The following INPP4B variants were observed in gnomAD, a reference collection of about 807,000 sequenced individuals.
The protein encoded by INPP4B is inositol polyphosphate 4-phosphatase type II.
In INPP4B, 55 loss-of-function variants were observed where a neutral mutation model predicts 122.5. The ratio of observed to expected loss-of-function variants is 0.45; its 90% CI spans 0.36 to 0.56. INPP4B has a LOEUF of 0.56. Ranked by LOEUF, INPP4B falls within the 20% of genes least tolerant of loss-of-function variation. The pLI is 0.00. For synonymous variants in INPP4B, 403 were observed against 388.7 expected, an observed-to-expected ratio of 1.04 and a Z score of -0.43; for missense variants, 1,000 against 1,097.7, an observed-to-expected ratio of 0.91 and a Z score of 1.26.
At chr4:142,498,632 C>T (rs1042397138) in intron 2 of INPP4B, among the ~76,000 whole-genome samples, 2 of 151,338 alleles carry the variant, frequency 1.3e-5, no homozygotes, top group African/African-American at 4.9e-5. Context: ...CTGAAAAAAA[C>T]ACACAAAAAT....
intron 3 of INPP4B, among the ~76,000 whole-genome samples, chr4:142,436,105 AT>A (rs1810450518): frequency 6.6e-6 from 1 of 152,170 alleles, no homozygotes; most frequent in Non-Finnish European, 1.5e-5. Flanking sequence ...CCCGAGAGGT[AT>A]TCTCCACAGC....
intron 12 of INPP4B, among the ~76,000 whole-genome samples, chr4:142,227,505 T>A (rs373509884): frequency 1.3e-5 from 2 of 152,110 alleles, no homozygotes; most frequent in South Asian, 4.1e-4. Context: ...TAATGAAAGT[T>A]ATTACAGCTT....
At chr4:142,410,749 T>C (rs1804433184) in intron 5 of INPP4B, among the ~76,000 whole-genome samples, 1 of 152,214 alleles carries the variant, frequency 6.6e-6, no homozygotes, top group African/African-American at 2.4e-5. Context: ...AAATTTGCTA[T>C]AAAGACAATA....
intron 2 of INPP4B, among the ~76,000 whole-genome samples, chr4:142,470,152 G>C (rs973463069): frequency 6.6e-6 from 1 of 151,936 alleles, no homozygotes; most frequent in Non-Finnish European, 1.5e-5. Context: ...ACGCATAGCA[G>C]ATTGGGCTAC....
intron 1 of INPP4B, among the ~76,000 whole-genome samples, chr4:142,754,018 G>A (rs193181390): frequency 1.5e-3 from 234 of 152,000 alleles, no homozygotes; most frequent in African/African-American, 4.6e-3. Flanking sequence ...CATTACCTTC[G>A]TGACTGATTT....
chr4:142,844,041 T>G (rs1241524765), intron 1 of INPP4B, among the ~76,000 whole-genome samples: 4 of 152,198 alleles, frequency 2.6e-5, no homozygotes, highest in Non-Finnish European at 5.9e-5. Flanking sequence ...TGGTCTATGA[T>G]AGTAGAGCGA....
chr4:142,704,254 A>G (rs1762189816), intron 2 of INPP4B, among the ~76,000 whole-genome samples: 1 of 152,204 alleles, frequency 6.6e-6, no homozygotes, highest in Non-Finnish European at 1.5e-5. Context: ...GAGACTGATA[A>G]ATAACGTATT....
At position 142,098,022 on chromosome 4, in the gene INPP4B, G is replaced by C. The variant is rs1174315683; in HGVS notation, c.2374+10071C>G. ...ATAGAGGCTATAAAAAACTTTAAGA[G>C]AGAAGGGTTCCAGCGGGCAAGAGAT... On this transcript the variant is annotated intron_variant, in intron 23 of 25. Coordinates refer to ENST00000262992, the MANE Select transcript of INPP4B (RefSeq NM_001101669.3). Among the ~76,000 whole-genome samples the C allele has an allele frequency of 2.6e-5, 4 of 152,120 alleles. No individual in the cohort carries two copies. The East Asian group carries it at 7.7e-4, about 29-fold the overall frequency.
At chr4:142,090,795 C>G (rs2152564269) in intron 23 of INPP4B, among the ~76,000 whole-genome samples, 1 of 150,918 alleles carries the variant, frequency 6.6e-6, no homozygotes, top group East Asian at 1.9e-4. Context: ...TTTTAAATAG[C>G]AAAAAAGCTT....
At chr4:142,119,884 G>A (rs565000541) in intron 21 of INPP4B, among the ~76,000 whole-genome samples, 23 of 143,816 alleles carry the variant, frequency 1.6e-4, no homozygotes, top group South Asian at 6.6e-4. Flanking sequence ...ACATATATAC[G>A]TATATATACG....
intron 7 of INPP4B, among the ~76,000 whole-genome samples, chr4:142,382,987 T>C (rs1454368705): frequency 6.6e-6 from 1 of 152,086 alleles, no homozygotes; most frequent in Non-Finnish European, 1.5e-5. Flanking sequence ...ATTTTTACTA[T>C]AGTCTTATAT....
At chr4:142,558,602 G>A (rs1056579504) in intron 2 of INPP4B, among the ~76,000 whole-genome samples, 1 of 151,680 alleles carries the variant, frequency 6.6e-6, no homozygotes, top group Non-Finnish European at 1.5e-5. Context: ...AAATCTCAGT[G>A]GGTTAACACA....
At position 142,205,641 on chromosome 4, in the gene INPP4B, A is replaced by G. The variant is rs547619909; in HGVS notation, c.1072+2784T>C. On this transcript the variant is annotated intron_variant, in intron 14 of 25. Transcript: ENST00000262992. ...ACATACCCTAACTCAATCAGGAATG[A>G]GAATGAAATTGCTTAGAAAGATTAA... Among the ~76,000 whole-genome samples the G allele has an allele frequency of 3.9e-5, 6 of 152,284 alleles. No homozygotes were observed. The South Asian group carries it at 1.2e-3, about 32-fold the overall frequency.
At chr4:142,361,509 G>T (rs1489716861) in intron 7 of INPP4B, among the ~76,000 whole-genome samples, 1 of 151,908 alleles carries the variant, frequency 6.6e-6, no homozygotes, top group African/African-American at 2.4e-5. Context: ...TTAGCTATCA[G>T]ATTTCAGCCA....
intron 7 of INPP4B, among the ~76,000 whole-genome samples, chr4:142,340,769 C>T (rs1404449251): frequency 6.6e-6 from 1 of 152,064 alleles, no homozygotes; most frequent in African/African-American, 2.4e-5. Flanking sequence ...TTCTTCCCCT[C>T]TATGGGTAAT....
At chr4:142,248,914 G>C (rs748765620) in intron 11 of INPP4B, among the ~76,000 whole-genome samples, 1 of 151,940 alleles carries the variant, frequency 6.6e-6, no homozygotes, top group African/African-American at 2.4e-5. Flanking sequence ...TAACATTTAA[G>C]TGCCCAGAGG....
chr4:142,064,777 A>C (rs533110130), intron 25 of INPP4B, among the ~76,000 whole-genome samples: 1 of 152,294 alleles, frequency 6.6e-6, no homozygotes, highest in African/African-American at 2.4e-5. Context: ...TATGTTATAA[A>C]ATTAAATTAT....
chr4:142,653,833 C>G (rs1464695213), intron 2 of INPP4B, among the ~76,000 whole-genome samples: 1 of 152,122 alleles, frequency 6.6e-6, no homozygotes, highest in Non-Finnish European at 1.5e-5. Flanking sequence ...GGATCTAGAA[C>G]TAGAAATACC....
At chr4:142,619,522 G>T (rs1744425148) in intron 2 of INPP4B, among the ~76,000 whole-genome samples, 1 of 152,038 alleles carries the variant, frequency 6.6e-6, no homozygotes. Flanking sequence ...CTACTTAAAG[G>T]AGTTATATAA....
Sources: allele counts gnomAD v4.1 joint callset (sites outside exome capture counted in the v4.1 genomes callset), GRCh38; gene constraint gnomAD v4.1.1; transcripts MANE v1.5; gene names NCBI Gene and HGNC (gene_info 2026-07-23, HGNC 2026-07-21).